Variants in MRTFA observed in about 807,000 individuals in gnomAD.
The protein encoded by MRTFA is myocardin related transcription factor A, also known as myocardin-related transcription factor A.
In MRTFA, 20 loss-of-function variants were observed where a neutral mutation model predicts 83.5. The ratio of observed to expected loss-of-function variants is 0.24; its 90% CI spans 0.17 to 0.35. The LOEUF (loss-of-function observed/expected upper bound fraction) is 0.35, where lower values mean the gene tolerates loss of function less well. MRTFA is among the 10% of genes least tolerant of loss of function. MRTFA has a pLI of 1.00. For synonymous variants in MRTFA, 659 were observed against 541.2 expected, an observed-to-expected ratio of 1.22 and a Z score of -3.02; for missense variants, 1,200 against 1,224.7, an observed-to-expected ratio of 0.98 and a Z score of 0.30.
chr22:40,632,196 A>C (rs34487566), intron 1 of MRTFA, among the ~76,000 whole-genome samples: 8,113 of 152,204 alleles, frequency 0.053, 288 homozygotes, highest in Middle Eastern at 0.12. Flanking sequence ...GCCTGCACCA[A>C]CCTGCCAGCA....
At chr22:40,558,615 T>G (rs1471408462) in intron 2 of MRTFA, among the ~76,000 whole-genome samples, 2 of 152,118 alleles carry the variant, frequency 1.3e-5, no homozygotes, top group African/African-American at 4.8e-5. Context: ...CTTCATGAGT[T>G]TGTGATGCTC....
At chr22:40,427,778 G>A (rs1010629684) in intron 7 of MRTFA, among the ~76,000 whole-genome samples, 2 of 152,098 alleles carry the variant, frequency 1.3e-5, no homozygotes. Context: ...GAGAGACTAA[G>A]GATTGGGCCA....
At chr22:40,432,422 A>G (rs2053086217) in intron 5 of MRTFA, among the ~76,000 whole-genome samples, 1 of 152,140 alleles carries the variant, frequency 6.6e-6, no homozygotes, top group African/African-American at 2.4e-5. Context: ...TTCTGCATTT[A>G]TGAGACTCTG....
intron 1 of MRTFA, among the ~76,000 whole-genome samples, chr22:40,606,496 A>G (rs2056320114): frequency 6.6e-6 from 1 of 152,200 alleles, no homozygotes; most frequent in African/African-American, 2.4e-5. Flanking sequence ...GAGCCCCAGG[A>G]GTTTACACTG....
intron 4 of MRTFA, among the ~76,000 whole-genome samples, chr22:40,451,541 T>C (rs1214569511): frequency 1.3e-5 from 2 of 152,286 alleles, no homozygotes; most frequent in African/African-American, 4.8e-5. Context: ...ATGCTCAATC[T>C]TTTCCTTCCC....
intron 2 of MRTFA, among the ~76,000 whole-genome samples, chr22:40,582,695 C>G (rs1008359258): frequency 6.6e-6 from 1 of 151,402 alleles, no homozygotes; most frequent in Non-Finnish European, 1.5e-5. Context: ...CACACACACA[C>G]CCTTCTCTAC....
rs112518694 is a variant in MRTFA, at chr22:40,629,210, G to A, written c.-84+7268C>T. On this transcript the variant is annotated intron_variant, in intron 1 of 14. Coordinates refer to ENST00000355630, the MANE Select transcript of MRTFA (RefSeq NM_020831.6). ...TGTAATCCCAGCACTTTGGGAGGCCGAGGCGGGCGGATCACTTGAAGTCAG... is the reference window on the plus strand; with the variant it reads ...TGTAATCCCAGCACTTTGGGAGGCCAAGGCGGGCGGATCACTTGAAGTCAG... Among the ~76,000 whole-genome samples, 495 of 151,990 alleles carry A rather than the reference G, an allele frequency of 3.3e-3. 5 individuals are homozygous for A. Among genetic ancestry groups the A allele is most frequent in the African/African-American group, 0.011 (468 of 41,474 alleles).
In MRTFA at chr22:40,636,682, C is replaced by G. The variant is rs974150046; in HGVS notation, c.-288G>C. ...CCGCCGCGGCCACCACAGACACTGC[C>G]GCCGCCGGCTCCTCTCAGCCACGGA... is the stretch of plus-strand genomic sequence containing the variant. On this transcript the variant is annotated 5_prime_UTR_variant, in exon 1 of 15. Transcript: ENST00000355630. 2 of 152,442 alleles carry G rather than the reference C, an allele frequency of 1.3e-5. No homozygotes were observed. Among genetic ancestry groups the G allele is most frequent in the Non-Finnish European group, 2.9e-5 (2 of 68,216 alleles). The allele number at this position is 152,442 out of a possible 1,614,324, so 9.4% of individuals were successfully genotyped here.
At chr22:40,464,937 C>T (rs1386069711) in intron 3 of MRTFA, among the ~76,000 whole-genome samples, 1 of 152,140 alleles carries the variant, frequency 6.6e-6, no homozygotes, top group East Asian at 1.9e-4. Context: ...CATGTTTTCC[C>T]ATGCTGCAGT....
At chr22:40,577,611 T>A (rs1569337006) in intron 2 of MRTFA, among the ~76,000 whole-genome samples, 1 of 140,356 alleles carries the variant, frequency 7.1e-6, no homozygotes, top group African/African-American at 2.7e-5. Flanking sequence ...TACATCTGAT[T>A]TTTTTTTTTT....
At chr22:40,619,127 G>A in intron 1 of MRTFA, among the ~76,000 whole-genome samples, 1 of 152,028 alleles carries the variant, frequency 6.6e-6, no homozygotes, top group Non-Finnish European at 1.5e-5. Context: ...TGCTGTGAAA[G>A]TATTTTGTAG....
intron 3 of MRTFA, among the ~76,000 whole-genome samples, chr22:40,490,642 T>C (rs1038897950): frequency 2.0e-5 from 3 of 151,776 alleles, no homozygotes; most frequent in African/African-American, 7.3e-5. Context: ...AAATATTCTC[T>C]CTGCAAACTG....
chr22:40,448,397 C>A (rs1478868515), intron 4 of MRTFA, among the ~76,000 whole-genome samples: 1 of 152,170 alleles, frequency 6.6e-6, no homozygotes, highest in East Asian at 1.9e-4. Flanking sequence ...TCACTTGAGC[C>A]CGGGAGGCAA....
chr22:40,536,149 G>GA (rs1227403073), intron 3 of MRTFA, among the ~76,000 whole-genome samples: 2 of 150,186 alleles, frequency 1.3e-5, no homozygotes, highest in Non-Finnish European at 3.0e-5. Flanking sequence ...AAAAGAAAAA[G>GA]AAAAAAAGCC....
At chr22:40,484,259 T>C (rs941513877) in intron 3 of MRTFA, among the ~76,000 whole-genome samples, 1 of 152,036 alleles carries the variant, frequency 6.6e-6, no homozygotes, top group Non-Finnish European at 1.5e-5. Context: ...AAAATAAAAT[T>C]TGATAAAGTC....
chr22:40,535,946 C>T (rs967610720), intron 3 of MRTFA, among the ~76,000 whole-genome samples: 6 of 152,102 alleles, frequency 3.9e-5, no homozygotes, highest in African/African-American at 1.4e-4. Context: ...AGCAATTCCA[C>T]ACCCACTATC....
At chr22:40,438,944 T>C (rs1358415884) in intron 4 of MRTFA, among the ~76,000 whole-genome samples, 1 of 152,224 alleles carries the variant, frequency 6.6e-6, no homozygotes, top group Non-Finnish European at 1.5e-5. Flanking sequence ...TTAATATCTG[T>C]TGGATGCTTG....
chr22:40,434,617 G>T (rs1311739909), intron 5 of MRTFA, among the ~76,000 whole-genome samples: 2 of 152,168 alleles, frequency 1.3e-5, no homozygotes, highest in Non-Finnish European at 2.9e-5. Context: ...AGTTACTTGG[G>T]AGGCTGAGGC....
chr22:40,564,050 T>C (rs1343681574), intron 2 of MRTFA, among the ~76,000 whole-genome samples: 1 of 152,194 alleles, frequency 6.6e-6, no homozygotes, highest in African/African-American at 2.4e-5. Context: ...ACTCAAATCT[T>C]TGTCGCGTTA....
Sources: allele counts gnomAD v4.1 joint callset (sites outside exome capture counted in the v4.1 genomes callset), GRCh38; gene constraint gnomAD v4.1.1; transcripts MANE v1.5; gene names NCBI Gene and HGNC (gene_info 2026-07-23, HGNC 2026-07-21).